The following SCNN1G variants were observed in gnomAD, a reference collection of about 807,000 sequenced individuals.
The protein encoded by SCNN1G is sodium channel epithelial 1 subunit gamma.
SCNN1G carries 27 observed loss-of-function variants against 64.6 expected under a neutral mutation model. The ratio of observed to expected loss-of-function variants is 0.42; its 90% confidence interval spans 0.31 to 0.58. The LOEUF is 0.58. SCNN1G is among the 20% of genes least tolerant of loss of function. The probability of loss-of-function intolerance (pLI) is 0.18; values close to 1 mark genes in which losing one functional copy is unlikely to be tolerated. For synonymous variants in SCNN1G, 330 were observed against 314.2 expected, an observed-to-expected ratio of 1.05 and a Z score of -0.53; for missense variants, 743 against 823.4, an observed-to-expected ratio of 0.90 and a Z score of 1.19.
rs376778818 is a variant in SCNN1G at position 23,186,338 on chromosome 16, C to T, written c.67C>T (p.Pro23Ser). ...TCTGCCCGTGACGGGCCCTCAGGCGCCGACCATTAAAGAGCTGATGCGGTG... is the reference window on the plus strand; with the variant it reads ...TCTGCCCGTGACGGGCCCTCAGGCGTCGACCATTAAAGAGCTGATGCGGTG... The part of the protein sequence containing the change: ...KNLPVTGPQA[P>S]TIKELMRWYC... Residue 23 changes from proline (P) to serine (S), a missense_variant, in exon 2 of 13, where the codon CCG becomes TCG. Pro to Ser is a moderately conservative substitution (Grantham distance 74). Coordinates refer to ENST00000300061, the MANE Select transcript of SCNN1G (RefSeq NM_001039.4). 3.2e-5 allele frequency: 51 copies of T among 1,614,148 alleles called. No homozygotes were observed. The highest frequency in any genetic ancestry group is 4.2e-5 in the Non-Finnish European group (50 of 1,180,062).
At chr16:23,204,182 T>C (rs1440922173) in intron 6 of SCNN1G, among the ~76,000 whole-genome samples, 4 of 149,682 alleles carry the variant, frequency 2.7e-5, no homozygotes, top group Non-Finnish European at 4.4e-5. Context: ...GGGAGGCTCA[T>C]GCGGGAGGAT....
At chr16:23,184,723 C>G (rs1266024299) in intron 1 of SCNN1G, among the ~76,000 whole-genome samples, 1 of 150,178 alleles carries the variant, frequency 6.7e-6, no homozygotes, top group African/African-American at 2.4e-5. Flanking sequence ...CCAATTTTAG[C>G]CCATATTTCA....
At chr16:23,201,523 C>G (rs922140707) in intron 6 of SCNN1G, among the ~76,000 whole-genome samples, 21 of 103,186 alleles carry the variant, frequency 2.0e-4, no homozygotes, top group Middle Eastern at 6.4e-3. Context: ...GCATTTAGAA[C>G]AACAACAAAA....
chr16:23,213,034 C>A, intron 10 of SCNN1G, 68 bp from the exon 11 acceptor site: 2 of 1,539,404 alleles, frequency 1.3e-6, no homozygotes, highest in Non-Finnish European at 1.8e-6. Context: ...AGTTGGGGAG[C>A]CTGAGGCGGG....
chr16:23,202,105 C>T (rs1029303609), intron 6 of SCNN1G, among the ~76,000 whole-genome samples: 3 of 152,208 alleles, frequency 2.0e-5, no homozygotes, highest in African/African-American at 7.2e-5. Context: ...ATGTGAGCCA[C>T]CACACCTGAC....
At chr16:23,212,364 G>A (rs72647525) in intron 8 of SCNN1G, among the ~76,000 whole-genome samples, 11 of 152,172 alleles carry the variant, frequency 7.2e-5, no homozygotes, top group Non-Finnish European at 1.5e-4. Context: ...AGGTAGGAAC[G>A]GTGGATATTA....
At chr16:23,197,087 G>C (rs1038473412) in intron 5 of SCNN1G, among the ~76,000 whole-genome samples, 177 bp from the exon 6 acceptor site, 3 of 152,204 alleles carry the variant, frequency 2.0e-5, no homozygotes, top group Non-Finnish European at 4.4e-5. Flanking sequence ...ACAGCAGAGA[G>C]CAAGTCAGGC....
chr16:23,185,847 G>C (rs958590583), intron 1 of SCNN1G, among the ~76,000 whole-genome samples: 4 of 152,176 alleles, frequency 2.6e-5, no homozygotes, highest in Admixed American at 1.3e-4. Context: ...GCTACTGGAG[G>C]TGATAAGGCA....
At chr16:23,201,595 A>G (rs1242311213) in intron 6 of SCNN1G, among the ~76,000 whole-genome samples, 1 of 152,010 alleles carries the variant, frequency 6.6e-6, no homozygotes, top group East Asian at 1.9e-4. Context: ...CAACCAAACT[A>G]GACTTCCTTC....
chr16:23,203,625 C>A (rs949192974), intron 6 of SCNN1G, among the ~76,000 whole-genome samples: 1 of 151,782 alleles, frequency 6.6e-6, no homozygotes, highest in Non-Finnish European at 1.5e-5. Flanking sequence ...AAAAAATTAG[C>A]CGGGTGTGGT....
chr16:23,186,610 A>G, intron 2 of SCNN1G, 22 bp downstream of exon 2: 1 of 1,603,966 alleles, frequency 6.2e-7, no homozygotes, highest in Non-Finnish European at 8.5e-7. Flanking sequence ...GAGCAGGGAA[A>G]CGCGAGTAGG....
chr16:23,204,429 G>A (rs1400128785), intron 6 of SCNN1G, among the ~76,000 whole-genome samples: 2 of 142,786 alleles, frequency 1.4e-5, no homozygotes, highest in Non-Finnish European at 3.0e-5. Context: ...ATAACTTTGA[G>A]TGAAAAAGGA....
At chr16:23,214,567 C>T (rs1960129774) in intron 11 of SCNN1G, 145 bp from the exon 12 acceptor site, 2 of 706,516 alleles carry the variant, frequency 2.8e-6, no homozygotes, top group Admixed American at 2.0e-5. Context: ...GTAGACGGAG[C>T]CCTTATGGGC....
intron 5 of SCNN1G, among the ~76,000 whole-genome samples, chr16:23,194,562 G>T (rs1047775611): frequency 3.9e-5 from 6 of 152,222 alleles, no homozygotes; most frequent in Admixed American, 3.9e-4. Context: ...TAAACTCATA[G>T]CTAGGGTGAG....
chr16:23,188,763 A>G (rs1371585921), intron 2 of SCNN1G, among the ~76,000 whole-genome samples: 1 of 152,174 alleles, frequency 6.6e-6, no homozygotes, highest in African/African-American at 2.4e-5. Flanking sequence ...GCCTATGCCT[A>G]GAGCAAGTGG....
Position 23,186,252 on chromosome 16 carries a change from C to G in SCNN1G, c.-20C>G. On this transcript the variant is annotated 5_prime_UTR_variant, in exon 2 of 13. Coordinates refer to ENST00000300061, the MANE Select transcript of SCNN1G (RefSeq NM_001039.4). ...GCACGCCCGTCCTCAGAGTCCCGTCCTCAAAGTCCCATCCTCGCCATGGCA... is the reference window on the plus strand; with the variant it reads ...GCACGCCCGTCCTCAGAGTCCCGTCGTCAAAGTCCCATCCTCGCCATGGCA... 7 of 1,614,010 alleles carry G rather than the reference C, an allele frequency of 4.3e-6. No homozygotes were observed. The highest frequency in any genetic ancestry group is 5.9e-6 in the Non-Finnish European group (7 of 1,179,878).
chr16:23,213,262 T>TC (rs1960110577), intron 11 of SCNN1G, 99 bp downstream of exon 11: 1 of 824,260 alleles, frequency 1.2e-6, no homozygotes, highest in East Asian at 2.5e-5. Flanking sequence ...CTTTTTTTTT[T>TC]TTTTTTTTTT....
At chr16:23,194,086 G>A (rs1011387488) in intron 4 of SCNN1G, 85 bp from the exon 5 acceptor site, 2 of 873,020 alleles carry the variant, frequency 2.3e-6, no homozygotes, top group African/African-American at 3.3e-5. Flanking sequence ...CCCAAAGAGA[G>A]TTGGCTCCAT....
At chr16:23,214,493 G>A (rs1960128665) in intron 11 of SCNN1G, among the ~76,000 whole-genome samples, 2 of 152,222 alleles carry the variant, frequency 1.3e-5, no homozygotes, top group Admixed American at 1.3e-4. Flanking sequence ...GGAAGTTGGG[G>A]AGCAGTTCTT....
Sources: gnomAD v4.1 joint callset for allele counts (sites outside exome capture counted in the v4.1 genomes callset) on GRCh38, gnomAD v4.1.1 for gene constraint, MANE v1.5 for transcripts, NCBI Gene and HGNC (gene_info 2026-07-23, HGNC 2026-07-21) for gene names.